Variants in TRPM1 observed in about 807,000 individuals in gnomAD.
The protein encoded by TRPM1 is transient receptor potential cation channel subfamily M member 1, also known as TRPM1-203 APA Isoform, Intron 10.
In TRPM1, 113 loss-of-function variants were observed where a neutral mutation model predicts 149.4. The ratio of observed to expected loss-of-function variants is 0.76; its 90% CI spans 0.65 to 0.88. The LOEUF (loss-of-function observed/expected upper bound fraction) is 0.88. Among genes scored for constraint, TRPM1 ranks in the 40% least tolerant of loss-of-function variants. The probability of loss-of-function intolerance (pLI) is 0.00; values close to 1 mark genes in which losing one functional copy is unlikely to be tolerated. For synonymous variants in TRPM1, 741 were observed against 759.5 expected, an observed-to-expected ratio of 0.98 and a Z score of 0.40; for missense variants, 1,976 against 2,038.7, an observed-to-expected ratio of 0.97 and a Z score of 0.59.
At position 31,047,118 on chromosome 15, in the gene TRPM1, G is replaced by T; in HGVS notation, c.1757C>A (p.Pro586Gln). 1 of 1,614,228 alleles carries T rather than the reference G, an allele frequency of 6.2e-7. No homozygotes were observed. Among genetic ancestry groups the T allele is most frequent in the Non-Finnish European group, 8.5e-7 (1 of 1,180,044 alleles). Reference sequence around the variant, plus strand: ...ACAGGCACTGAGTTCTACCCTCTTTGGTCCAAACAAGTTGTTGTAAAGGGT... The same window carrying T: ...ACAGGCACTGAGTTCTACCCTCTTTTGTCCAAACAAGTTGTTGTAAAGGGT... ...FRTLYNNLFG[P>Q]KRPKALKLLG... The change falls in exon 15 of 28, where the codon CCA (proline) becomes CAA (glutamine). Residue 586 changes from proline (P) to glutamine (Q), a missense_variant. Around this residue, in one of 3 missense-constraint regions of TRPM1, gnomAD observed 1,332 missense variants for 1,347.1 expected, o/e 0.99. Transcript: ENST00000256552.
Position 31,132,337 on chromosome 15 carries a change from G to T in TRPM1, c.54+28569C>A, listed in dbSNP as rs558439204. Among the ~76,000 whole-genome samples, 21 of 152,330 alleles carry T rather than the reference G, an allele frequency of 1.4e-4. No individual in the cohort carries two copies. The South Asian group carries it at 4.3e-3, about 32-fold the overall frequency. On this transcript the variant is annotated intron_variant, in intron 1 of 26. Coordinates refer to the TRPM1 transcript ENST00000542188. ...TGCACCCTGAAAGCTCAAGTGCTCG[G>T]CTCCTGATTCAGGGCTCCAGCCCCA... is the stretch of plus-strand genomic sequence containing the variant.
In TRPM1 at chr15:31,062,181, T is replaced by A. The variant is rs545139161; in HGVS notation, c.1089+398A>T. Among the ~76,000 whole-genome samples, 4 of 152,328 alleles carry A rather than the reference T, an allele frequency of 2.6e-5. No individual in the cohort carries two copies. In the South Asian group the frequency reaches 8.3e-4, roughly 32 times the overall value. Reference sequence around the variant, plus strand: ...TTAGAATTTTGAAGAGGCCATCTTATGTGCACGACAAGAGTACCTATTCCT... The same window carrying A: ...TTAGAATTTTGAAGAGGCCATCTTAAGTGCACGACAAGAGTACCTATTCCT... On this transcript the variant is annotated intron_variant, in intron 9 of 27. Transcript: ENST00000256552.
intron 3 of TRPM1, 90 bp from the exon 4 acceptor site, chr15:31,070,316 T>G: frequency 4.9e-5 from 65 of 1,326,848 alleles, no homozygotes; most frequent in Non-Finnish European, 6.4e-5. Flanking sequence ...ACAGGTGAGT[T>G]GGGCCCAAAC....
chr15:31,088,553 A>G (rs932372660), intron 1 of TRPM1, among the ~76,000 whole-genome samples: 1 of 152,214 alleles, frequency 6.6e-6, no homozygotes, highest in African/African-American at 2.4e-5. Context: ...ACTTGCTGCA[A>G]AAGTCTGCGG....
In TRPM1 at chr15:31,014,323, T is replaced by A. The variant is rs150720855; in HGVS notation, c.3630-11253A>T. On this transcript the variant is annotated intron_variant, in intron 27 of 27. Transcript: ENST00000256552. ...TGGGCCTGTTCCAACTCAGGTGAAA[T>A]ACAGACGAACCTTTCAGCTAGGCTT... Among the ~76,000 whole-genome samples, 1,289 of 152,216 alleles carry A rather than the reference T, an allele frequency of 8.5e-3. 20 individuals carry two copies. Among genetic ancestry groups the A allele is most frequent in the African/African-American group, 0.027 (1,125 of 41,546 alleles).
In TRPM1 at chr15:31,049,520, C is replaced by A; in HGVS notation, c.1438-11G>T. 1 of 1,613,430 alleles carries A rather than the reference C, an allele frequency of 6.2e-7. No homozygotes were observed. Among genetic ancestry groups the A allele is most frequent in the Non-Finnish European group, 8.5e-7 (1 of 1,180,018 alleles). On this transcript the variant is annotated splice_polypyrimidine_tract_variant and intron_variant, in intron 12 of 27. Coordinates refer to ENST00000256552, the MANE Select transcript of TRPM1 (RefSeq NM_001252024.2). The stretch of plus-strand genomic sequence containing the variant: ...CTCCAAAGCATTCACCTGCAGGGAC[C>A]AAGGGCCGGGAGCCTGTGAGTGGCC...
At chr15:31,150,097 C>T (rs576150174) in intron 1 of TRPM1, among the ~76,000 whole-genome samples, 4 of 152,162 alleles carry the variant, frequency 2.6e-5, no homozygotes, top group Non-Finnish European at 5.9e-5. Flanking sequence ...TTGTGTTGCC[C>T]GCAGCCCTAA....
chr15:31,128,887 G>A (rs79345377), intron 1 of TRPM1, among the ~76,000 whole-genome samples: 4,783 of 152,336 alleles, frequency 0.031, 235 homozygotes, highest in African/African-American at 0.11. Context: ...AGCAAATTTT[G>A]TAGCTAATTC....
chr15:31,029,066 C>T (rs1359586911), intron 24 of TRPM1, among the ~76,000 whole-genome samples: 1 of 152,116 alleles, frequency 6.6e-6, no homozygotes, highest in Non-Finnish European at 1.5e-5. Context: ...GGGATTTCCT[C>T]TACTTCCCAA....
chr15:31,140,842 GAC>G lies in TRPM1; in HGVS notation c.54+20062_54+20063del, dbSNP rs1180434651. Among the ~76,000 whole-genome samples, 2 of 152,108 alleles carry G rather than the reference GAC, an allele frequency of 1.3e-5. 1 individual carries two copies. Among genetic ancestry groups the G allele is most frequent in the East Asian group, 3.8e-4 (2 of 5,200 alleles). ...GTTTGTTTGTTTGTTTGTTTTTTGA[GAC>G]AGAGTCTTGCTCTGTTGCCCAGGCT... On this transcript the variant is annotated intron_variant, in intron 1 of 26. Transcript: ENST00000542188.
At position 31,017,175 on chromosome 15, in the gene TRPM1, G is replaced by A. The variant is rs543343547; in HGVS notation, c.3629+8964C>T. ...ACAAAAATTAGCCGGACATGGTGGC[G>A]TGCGTCTGTAGTCCCAGCTACTCGG... is the stretch of plus-strand genomic sequence containing the variant. On this transcript the variant is annotated intron_variant, in intron 27 of 27. Transcript: ENST00000256552. Among the ~76,000 whole-genome samples, 49 of 152,092 alleles carry A rather than the reference G, an allele frequency of 3.2e-4. No individual in the cohort carries two copies. The South Asian group carries it at 8.5e-3, about 26-fold the overall frequency.
At chr15:31,109,134 G>A (rs1011942738) in intron 1 of TRPM1, among the ~76,000 whole-genome samples, 20 of 151,942 alleles carry the variant, frequency 1.3e-4, no homozygotes, top group African/African-American at 1.5e-4. Flanking sequence ...GCTTTGACAC[G>A]CAAGAGGAAA....
chr15:31,076,129 G>GT (rs1404246429), intron 3 of TRPM1, among the ~76,000 whole-genome samples: 1 of 151,962 alleles, frequency 6.6e-6, no homozygotes, highest in Non-Finnish European at 1.5e-5. Context: ...TCTTACCTCG[G>GT]GGGGCAATCA....
intron 1 of TRPM1, among the ~76,000 whole-genome samples, chr15:31,115,651 A>C (rs1251128673): frequency 2.0e-5 from 3 of 151,944 alleles, no homozygotes; most frequent in Non-Finnish European, 4.4e-5. Context: ...AGATTCTCAC[A>C]GTGAATACCA....
chr15:31,134,257 T>A (rs2036059214), intron 1 of TRPM1, among the ~76,000 whole-genome samples: 1 of 152,178 alleles, frequency 6.6e-6, no homozygotes, highest in Admixed American at 6.5e-5. Flanking sequence ...CAGAGAAGCA[T>A]ATTAGTTATG....
rs545453951 is a variant in TRPM1, at chr15:31,090,424, G to A, written c.-83-8986C>T. On this transcript the variant is annotated intron_variant, in intron 1 of 27. Transcript: ENST00000256552. Reference sequence around the variant, plus strand: ...GAAGCCGAGGCAGGCCGGTCACGAGGTCAGGGATTCAAGACCAGCCTGGCC... The same window carrying A: ...GAAGCCGAGGCAGGCCGGTCACGAGATCAGGGATTCAAGACCAGCCTGGCC... Among the ~76,000 whole-genome samples the A allele has an allele frequency of 6.2e-4, 94 of 152,214 alleles. 1 individual carries two copies. In the Middle Eastern group the frequency reaches 0.014, roughly 22 times the overall value.
upstream of TRPM1, among the ~76,000 whole-genome samples, chr15:31,105,413 G>A (rs565235279): frequency 7.2e-5 from 11 of 151,748 alleles, no homozygotes; most frequent in Non-Finnish European, 1.6e-4. Flanking sequence ...TTCAGCAGGC[G>A]GAACTATGAA....
Position 31,038,644 on chromosome 15 carries a change from G to A in TRPM1, c.2317-478C>T, listed in dbSNP as rs752792554. On this transcript the variant is annotated intron_variant, in intron 18 of 27. Coordinates refer to ENST00000256552, the MANE Select transcript of TRPM1 (RefSeq NM_001252024.2). ...CAAGAATCACTTGAACCCAGGAGGC[G>A]GAGCTTGCAGTGAGGCGAGATCGCG... Among the ~76,000 whole-genome samples, 269 of 152,248 alleles carry A rather than the reference G, an allele frequency of 1.8e-3. 2 individuals carry two copies. The highest frequency in any genetic ancestry group is 3.4e-3 in the Middle Eastern group (1 of 294).
chr15:31,050,649 A>T, intron 11 of TRPM1, 67 bp from the exon 12 acceptor site: 1 of 1,567,998 alleles, frequency 6.4e-7, no homozygotes, highest in East Asian at 2.2e-5. Flanking sequence ...AGACCAGCTC[A>T]TTGACCCTCC....
Sources: allele counts gnomAD v4.1 joint callset (sites outside exome capture counted in the v4.1 genomes callset), GRCh38; gene constraint gnomAD v4.1.1; regional missense constraint gnomAD v4.1.1; transcripts MANE v1.5; gene names NCBI Gene and HGNC (gene_info 2026-07-23, HGNC 2026-07-21).